Variants in PDE10A observed in about 807,000 individuals in gnomAD.
The protein encoded by PDE10A is cAMP and cAMP-inhibited cGMP 3',5'-cyclic phosphodiesterase 10A.
In PDE10A, 39 loss-of-function variants were observed where a neutral mutation model predicts 97.7. That is an observed-to-expected ratio of 0.40 (90% CI 0.31 to 0.52). The LOEUF is 0.52. Ranked by LOEUF, PDE10A falls within the 20% of genes least tolerant of loss-of-function variation. The pLI, the probability that PDE10A is intolerant of heterozygous loss-of-function variation, is 0.56. For missense variants in PDE10A, 731 were observed against 1,047.8 expected (o/e 0.70, Z 4.17); for synonymous variants, 371 against 376.8 (o/e 0.98, Z 0.18).
intron 1 of PDE10A, among the ~76,000 whole-genome samples, chr6:165,698,670 T>A (rs1271537702): frequency 1.3e-5 from 2 of 152,074 alleles, no homozygotes; most frequent in Admixed American, 6.6e-5. Flanking sequence ...GCCAACATGT[T>A]GAAACCCCAT....
At chr6:165,551,981 A>C (rs1784040933) in intron 1 of PDE10A, among the ~76,000 whole-genome samples, 1 of 151,200 alleles carries the variant, frequency 6.6e-6, no homozygotes, top group East Asian at 2.0e-4. Context: ...TCCTTTCCTC[A>C]CCTCATCCAT....
Position 165,428,689 on chromosome 6 carries a change from A to G in PDE10A, c.1622T>C (p.Val541Ala). 1 of 1,338,350 alleles carries G rather than the reference A, an allele frequency of 7.5e-7. No homozygotes were observed. Among genetic ancestry groups the G allele is most frequent in the Non-Finnish European group, 1.1e-6 (1 of 944,022 alleles). The allele number at this position is 1,338,350 out of a possible 1,614,324, so 82.9% of individuals were successfully genotyped here. The change falls in exon 10 of 22, where the codon GTT (valine) becomes GCT (alanine). Residue 541 changes from valine (V) to alanine (A), a missense_variant. Coordinates refer to ENST00000539869, the MANE Select transcript of PDE10A (RefSeq NM_001385079.1). ...GTGTTCAAGTAGAGAATCTATTGCA[A>G]CTATGTTATCAAAATATGTTCTGAA... ...DVSKTYFDNI[V>A]AIDSLLEHIM...
chr6:165,483,539 T>C (rs954150591), intron 2 of PDE10A, among the ~76,000 whole-genome samples: 9 of 152,242 alleles, frequency 5.9e-5, no homozygotes, highest in Non-Finnish European at 1.3e-4. Context: ...CCTAAGCCTC[T>C]CTGAAGATGA....
intron 1 of PDE10A, among the ~76,000 whole-genome samples, chr6:165,581,702 T>C (rs1785626023): frequency 6.6e-6 from 1 of 152,262 alleles, no homozygotes; most frequent in Admixed American, 6.5e-5. Context: ...CTGAGGCCTT[T>C]ACAATTTGAG....
chr6:165,923,440 G>A (rs968613028), intron 1 of PDE10A, among the ~76,000 whole-genome samples: 9 of 152,322 alleles, frequency 5.9e-5, no homozygotes, highest in South Asian at 2.1e-4. Context: ...TGACAGCACC[G>A]TCGATATGTA....
chr6:165,566,790 T>A (rs1397211067), intron 1 of PDE10A, among the ~76,000 whole-genome samples: 1 of 152,150 alleles, frequency 6.6e-6, no homozygotes, highest in African/African-American at 2.4e-5. Context: ...TCAACTCTAG[T>A]AAGTGAAATA....
At chr6:165,344,937 A>G (rs747195865) in intron 18 of PDE10A, among the ~76,000 whole-genome samples, 2 of 152,206 alleles carry the variant, frequency 1.3e-5, no homozygotes, top group Admixed American at 6.5e-5. Flanking sequence ...GGGAAACTAT[A>G]AGATTTTCTT....
intron 1 of PDE10A, among the ~76,000 whole-genome samples, chr6:165,911,133 C>T (rs779998281): frequency 7.2e-5 from 11 of 152,102 alleles, no homozygotes; most frequent in Non-Finnish European, 1.3e-4. Flanking sequence ...AAAGTAATGG[C>T]GGTTTTTGCC....
intron 1 of PDE10A, among the ~76,000 whole-genome samples, chr6:165,603,927 C>T (rs1454050761): frequency 6.6e-6 from 1 of 152,198 alleles, no homozygotes; most frequent in Non-Finnish European, 1.5e-5. Flanking sequence ...TGGGACTGAT[C>T]ATGCAAACTG....
intron 1 of PDE10A, among the ~76,000 whole-genome samples, chr6:165,980,877 C>T (rs1784993578): frequency 6.6e-6 from 1 of 152,164 alleles, no homozygotes; most frequent in African/African-American, 2.4e-5. Flanking sequence ...TTAAGAATTT[C>T]ATGTCACGGT....
chr6:165,820,989 A>G (rs2128469137), intron 1 of PDE10A, among the ~76,000 whole-genome samples: 1 of 152,358 alleles, frequency 6.6e-6, no homozygotes, highest in Non-Finnish European at 1.5e-5. Context: ...CAAATTCATA[A>G]AACATCTCCC....
At chr6:165,924,899 A>T (rs1782884179) in intron 1 of PDE10A, among the ~76,000 whole-genome samples, 1 of 152,212 alleles carries the variant, frequency 6.6e-6, no homozygotes, top group Admixed American at 6.5e-5. Context: ...TGAGTCATTA[A>T]AGAGAAAATT....
chr6:165,371,991 A>C (rs1311162506), intron 18 of PDE10A, among the ~76,000 whole-genome samples: 18 of 150,538 alleles, frequency 1.2e-4, no homozygotes, highest in African/African-American at 1.7e-4. Flanking sequence ...TGATTATCTC[A>C]ATAGCTGCAG....
intron 1 of PDE10A, among the ~76,000 whole-genome samples, chr6:165,848,207 T>A (rs914216476): frequency 1.3e-5 from 2 of 152,170 alleles, no homozygotes; most frequent in Middle Eastern, 3.2e-3. Flanking sequence ...AAGCACTTAC[T>A]GAGCGCCCCC....
intron 18 of PDE10A, among the ~76,000 whole-genome samples, chr6:165,348,104 G>A (rs945750433): frequency 1.1e-4 from 17 of 152,090 alleles, no homozygotes; most frequent in Admixed American, 1.1e-3. Context: ...TGCTTTTGAA[G>A]GGTACAAATA....
intron 1 of PDE10A, among the ~76,000 whole-genome samples, chr6:165,983,546 G>A (rs1028909880): frequency 3.9e-5 from 6 of 152,178 alleles, no homozygotes; most frequent in Non-Finnish European, 8.8e-5. Context: ...CTGCCAACGT[G>A]CCATCTTAAA....
intron 18 of PDE10A, among the ~76,000 whole-genome samples, chr6:165,352,647 G>GAA (rs761081382): frequency 7.0e-6 from 1 of 142,718 alleles, no homozygotes; most frequent in Non-Finnish European, 1.5e-5. Context: ...ACATCTGCAT[G>GAA]AAAAAAAAAA....
rs548519517 is a variant in PDE10A at position 165,670,247 on chromosome 6, A to G, written c.-614-126679T>C. Among the ~76,000 whole-genome samples the G allele has an allele frequency of 4.6e-5, 7 of 152,374 alleles. No individual in the cohort carries two copies. In the East Asian group the frequency reaches 9.6e-4, roughly 21 times the overall value. ...CTCTGGTCCTTGTGTGAGCATCTTGATGCAAGGATGCAGCTTGTTTTATTG... is the reference window on the plus strand; with the variant it reads ...CTCTGGTCCTTGTGTGAGCATCTTGGTGCAAGGATGCAGCTTGTTTTATTG... On this transcript the variant is annotated intron_variant, in intron 1 of 19. Transcript: ENST00000366882.
At chr6:165,545,566 G>A (rs1239599767) in intron 1 of PDE10A, among the ~76,000 whole-genome samples, 1 of 151,878 alleles carries the variant, frequency 6.6e-6, no homozygotes, top group African/African-American at 2.4e-5. Flanking sequence ...AAAAACACTC[G>A]TTAAACTCAA....
Sources: gnomAD v4.1 joint callset for allele counts (sites outside exome capture counted in the v4.1 genomes callset) on GRCh38, gnomAD v4.1.1 for gene constraint, MANE v1.5 for transcripts, NCBI Gene and HGNC (gene_info 2026-07-23, HGNC 2026-07-21) for gene names.